KLHL6: variants seen among roughly 807,000 people sequenced by gnomAD.
KLHL6 encodes the protein kelch-like protein 6.
Under a neutral mutation model 58.6 loss-of-function variants are expected in KLHL6, and 41 were observed. That is an observed-to-expected ratio of 0.70 (90% CI 0.55 to 0.91). KLHL6 has a LOEUF of 0.91. KLHL6 is among the 40% of genes least tolerant of loss of function. The pLI is 0.00. For synonymous variants in KLHL6, 338 were observed against 322.7 expected (o/e 1.05, Z -0.51); for missense variants, 714 against 805.6 (o/e 0.89, Z 1.38).
intron 1 of KLHL6, among the ~76,000 whole-genome samples, chr3:183,540,588 T>C (rs1712520059): frequency 6.6e-6 from 1 of 152,098 alleles, no homozygotes; most frequent in Non-Finnish European, 1.5e-5. Context: ...TTGGTTTGTT[T>C]TGAGACAAGA....
intron 2 of KLHL6, among the ~76,000 whole-genome samples, chr3:183,515,330 T>C (rs1279035095): frequency 6.6e-6 from 1 of 152,156 alleles, no homozygotes; most frequent in Non-Finnish European, 1.5e-5. Flanking sequence ...GGAGAATCAA[T>C]TGAGCCCAGG....
intron 4 of KLHL6, among the ~76,000 whole-genome samples, chr3:183,496,251 G>A (rs1279374123): frequency 2.0e-5 from 3 of 152,070 alleles, no homozygotes; most frequent in African/African-American, 7.2e-5. Flanking sequence ...CAAAGAGTAT[G>A]AACAGATAAT....
At chr3:183,501,914 C>T (rs1717875540) in intron 3 of KLHL6, among the ~76,000 whole-genome samples, 1 of 152,172 alleles carries the variant, frequency 6.6e-6, no homozygotes, top group Non-Finnish European at 1.5e-5. Flanking sequence ...CCCCTGATGG[C>T]AGGAACAGCC....
intron 3 of KLHL6, among the ~76,000 whole-genome samples, chr3:183,501,106 C>T (rs1717855552): frequency 6.6e-6 from 1 of 152,186 alleles, no homozygotes. Flanking sequence ...CCTTACAGGT[C>T]AGCAGAGTGG....
rs1165405995 is a variant in KLHL6 at position 183,541,597 on chromosome 3, T to A, written c.294-13587A>T. The stretch of plus-strand genomic sequence containing the variant: ...GCACATGCTTGTAGTCCCAGCTACT[T>A]GGGAGGCCAAGGCAGGAGGCTCACT... On this transcript the variant is annotated intron_variant, in intron 1 of 6. Transcript: ENST00000341319. Among the ~76,000 whole-genome samples the A allele has an allele frequency of 2.0e-5, 3 of 152,190 alleles. No individual in the cohort carries two copies. The East Asian group carries it at 5.8e-4, about 29-fold the overall frequency.
intron 3 of KLHL6, among the ~76,000 whole-genome samples, chr3:183,501,409 T>A (rs1245292349): frequency 6.6e-6 from 1 of 152,168 alleles, no homozygotes; most frequent in East Asian, 1.9e-4. Context: ...GATCTAGGTG[T>A]TTCAGGGCAA....
At chr3:183,500,152 T>G (rs1717832362) in intron 3 of KLHL6, among the ~76,000 whole-genome samples, 1 of 152,240 alleles carries the variant, frequency 6.6e-6, no homozygotes, top group South Asian at 2.1e-4. Flanking sequence ...ATGCACTTCC[T>G]GCCTTTCCTC....
rs11919554 is a variant in KLHL6 at position 183,527,103 on chromosome 3, A to C, written c.459+742T>G. ...GTCACAGCGAGACTCTCTCTAAAAA[A>C]AAAAACAAAAACAAAAACAAACAAA... On this transcript the variant is annotated intron_variant, in intron 2 of 6. Coordinates refer to ENST00000341319, the MANE Select transcript of KLHL6 (RefSeq NM_130446.4). Among the ~76,000 whole-genome samples the C allele has an allele frequency of 5.7e-3, 873 of 152,112 alleles. 6 individuals carry two copies. The highest frequency in any genetic ancestry group is 0.019 in the African/African-American group (769 of 41,514).
Position 183,492,134 on chromosome 3 carries a change from G to C in KLHL6, c.1659C>G (p.Ile553Met), listed in dbSNP as rs753728391. ...TGTAGAGCCGGTTGTTGCAGGGCGC[G>C]ATACCGCAGCTGGCCCGCTCGTGGC... ...QLSHERASCG[I>M]APCNNRLYIT... is the part of the protein sequence containing the mutation. Residue 553 changes from isoleucine (I) to methionine (M), a missense_variant, in exon 7 of 7, where the codon ATC becomes ATG. Coordinates refer to ENST00000341319, the MANE Select transcript of KLHL6 (RefSeq NM_130446.4). This position sits in a 1 kb window ranked among gnomAD's most constrained non-coding sequence, Gnocchi z 5.9. 1.5e-5 allele frequency: 25 copies of C among 1,613,732 alleles called. No homozygotes were observed. The Admixed American group carries it at 3.8e-4, about 25-fold the overall frequency.
At chr3:183,553,404 C>T (rs947988268) in intron 1 of KLHL6, among the ~76,000 whole-genome samples, 6 of 152,130 alleles carry the variant, frequency 3.9e-5, no homozygotes, top group African/African-American at 9.7e-5. Flanking sequence ...ACACAGCCAG[C>T]GGGCCTGGTC....
chr3:183,550,715 G>A (rs754618375), intron 1 of KLHL6, among the ~76,000 whole-genome samples: 3 of 152,108 alleles, frequency 2.0e-5, no homozygotes, highest in Non-Finnish European at 4.4e-5. Flanking sequence ...AGAATTGCTT[G>A]AGCCCAGGGA....
intron 1 of KLHL6, among the ~76,000 whole-genome samples, chr3:183,538,123 C>A (rs1430584646): frequency 6.6e-6 from 1 of 152,156 alleles, no homozygotes; most frequent in Non-Finnish European, 1.5e-5. Context: ...GAACTCCTAT[C>A]ACACTCCCGA....
intron 3 of KLHL6, among the ~76,000 whole-genome samples, chr3:183,500,048 G>A (rs1482938207): frequency 2.0e-5 from 3 of 152,202 alleles, no homozygotes; most frequent in Non-Finnish European, 4.4e-5. Flanking sequence ...TGTACACAGT[G>A]TGCTTCGCCC....
intron 2 of KLHL6, among the ~76,000 whole-genome samples, chr3:183,519,398 C>T (rs59525276): frequency 0.09 from 13,632 of 152,110 alleles, 838 homozygotes; most frequent in African/African-American, 0.18. Flanking sequence ...GCCACATGGA[C>T]CAATAATGCA....
rs1314504712 is a variant in KLHL6 at position 183,489,508 on chromosome 3, CG to C, written c.*2418del. The C allele has an allele frequency of 6.6e-6, 1 of 152,152 alleles. No homozygotes were observed. The highest frequency in any genetic ancestry group is 1.5e-5 in the Non-Finnish European group (1 of 68,042). 9.4% of individuals were successfully genotyped at this position (152,152 alleles called of 1,614,324 possible). A position where few individuals can be genotyped will look rare whatever the true frequency, so the allele number is the denominator to read the frequency against. The stretch of plus-strand genomic sequence containing the variant: ...CTATTTACCTGTATTGAGTGTCTAG[CG>C]TGGAGATTTGCCATTCGTGGGTGTC... On this transcript the variant is annotated 3_prime_UTR_variant, in exon 7 of 7. Transcript: ENST00000341319.
intron 1 of KLHL6, among the ~76,000 whole-genome samples, chr3:183,549,284 G>A (rs1409626241): frequency 1.3e-5 from 2 of 152,146 alleles, no homozygotes; most frequent in African/African-American, 4.8e-5. Flanking sequence ...CTGCCACAGT[G>A]GGTACACTTG....
chr3:183,536,621 C>G (rs1047680170), intron 1 of KLHL6, among the ~76,000 whole-genome samples: 3 of 152,164 alleles, frequency 2.0e-5, no homozygotes, highest in African/African-American at 7.2e-5. Context: ...GTGAGCTGCA[C>G]AGAAGAATAA....
At chr3:183,515,831 G>C (rs1711544523) in intron 2 of KLHL6, among the ~76,000 whole-genome samples, 1 of 152,164 alleles carries the variant, frequency 6.6e-6, no homozygotes, top group Admixed American at 6.6e-5. Flanking sequence ...AAGAGAAAGA[G>C]GGACAGAGGA....
intron 5 of KLHL6, chr3:183,493,565 GA>G (rs1456608036): frequency 6.3e-6 from 1 of 158,630 alleles, no homozygotes; most frequent in Non-Finnish European, 1.4e-5. Context: ...TCCTGGGTCT[GA>G]TATATACCTG....
Sources: gnomAD v4.1 joint callset for allele counts (sites outside exome capture counted in the v4.1 genomes callset) on GRCh38, gnomAD v4.1.1 for gene constraint, Gnocchi (gnomAD v3.1) non-coding constraint, MANE v1.5 for transcripts, NCBI Gene and HGNC (gene_info 2026-07-23, HGNC 2026-07-21) for gene names.